The following MECOM variants were observed in gnomAD, a reference collection of about 807,000 sequenced individuals.
The protein encoded by MECOM is histone-lysine N-methyltransferase MECOM.
Under a neutral mutation model 116.3 loss-of-function variants are expected in MECOM, and 13 were observed. The observed-to-expected ratio is 0.11, with a 90% confidence interval of 0.07 to 0.18. MECOM has a LOEUF of 0.18. Ranked by LOEUF, MECOM falls within the 10% of genes least tolerant of loss-of-function variation. The pLI, the probability that MECOM is intolerant of heterozygous loss-of-function variation, is 1.00. For synonymous variants in MECOM, 528 were observed against 535.2 expected (o/e 0.99, Z 0.19); for missense variants, 1,299 against 1,509.0 (o/e 0.86, Z 2.31).
chr3:169,503,233 T>C (rs1754762744), intron 1 of MECOM, among the ~76,000 whole-genome samples: 1 of 152,174 alleles, frequency 6.6e-6, no homozygotes, highest in Non-Finnish European at 1.5e-5. Context: ...GCATACCATA[T>C]ATAATCTCAG....
At chr3:169,335,152 C>T (rs781604345) in intron 2 of MECOM, among the ~76,000 whole-genome samples, 1 of 152,102 alleles carries the variant, frequency 6.6e-6, no homozygotes, top group African/African-American at 2.4e-5. Flanking sequence ...CTGCTCACCA[C>T]TGGACTGAAC....
At chr3:169,572,635 T>G (rs575938720) in intron 1 of MECOM, among the ~76,000 whole-genome samples, 1 of 152,166 alleles carries the variant, frequency 6.6e-6, no homozygotes, top group Non-Finnish European at 1.5e-5. Flanking sequence ...ATGTGGCACA[T>G]GTACACCAGG....
chr3:169,546,455 A>T (rs1290089220), intron 1 of MECOM, among the ~76,000 whole-genome samples: 1 of 152,032 alleles, frequency 6.6e-6, no homozygotes, highest in African/African-American at 2.4e-5. Flanking sequence ...ACCTAAATCA[A>T]CTCCCCTCAC....
chr3:169,216,991 C>A (rs1751500637), intron 2 of MECOM, among the ~76,000 whole-genome samples: 1 of 152,098 alleles, frequency 6.6e-6, no homozygotes, highest in Non-Finnish European at 1.5e-5. Flanking sequence ...ACTAGCCACA[C>A]AAATAAACAG....
chr3:169,594,154 C>CCAAA (rs1766795760), intron 1 of MECOM, among the ~76,000 whole-genome samples: 1 of 45,730 alleles, frequency 2.2e-5, no homozygotes, highest in African/African-American at 1.2e-4. Context: ...ACCACCACCA[C>CCAAA]AAAAAAAAAA....
chr3:169,207,911 G>A (rs1750166428), intron 2 of MECOM, among the ~76,000 whole-genome samples: 1 of 152,090 alleles, frequency 6.6e-6, no homozygotes, highest in Non-Finnish European at 1.5e-5. Flanking sequence ...CTGACGATGT[G>A]AATGAAAACA....
At chr3:169,542,067 C>G (rs937941941) in intron 1 of MECOM, among the ~76,000 whole-genome samples, 1 of 152,102 alleles carries the variant, frequency 6.6e-6, no homozygotes, top group Non-Finnish European at 1.5e-5. Flanking sequence ...TAGATGGCCA[C>G]AGAATATAAT....
intron 2 of MECOM, among the ~76,000 whole-genome samples, chr3:169,231,774 GA>G (rs11456636): frequency 0.015 from 2,015 of 136,960 alleles, 29 homozygotes; most frequent in African/African-American, 0.038. Context: ...CCCATGACCA[GA>G]AAAAAAAAAA....
intron 1 of MECOM, among the ~76,000 whole-genome samples, chr3:169,529,103 TA>T (rs78992976): frequency 6.6e-6 from 1 of 151,690 alleles, no homozygotes; most frequent in African/African-American, 2.4e-5. Flanking sequence ...ATAAGGCCTT[TA>T]AAAAAAATCA....
chr3:169,534,569 T>G (rs1759094292), intron 1 of MECOM, among the ~76,000 whole-genome samples: 1 of 152,200 alleles, frequency 6.6e-6, no homozygotes, highest in Non-Finnish European at 1.5e-5. Flanking sequence ...CCTACTGACT[T>G]TTATTTGACA....
chr3:169,436,321 G>A (rs371171266), intron 1 of MECOM, among the ~76,000 whole-genome samples: 14 of 131,806 alleles, frequency 1.1e-4, no homozygotes, highest in African/African-American at 2.8e-4. Flanking sequence ...CGCAATCTCC[G>A]CTCACCACAA....
At chr3:169,287,510 C>A (rs1317202585) in intron 2 of MECOM, among the ~76,000 whole-genome samples, 1 of 151,896 alleles carries the variant, frequency 6.6e-6, no homozygotes, top group Admixed American at 6.6e-5. Flanking sequence ...AAATAAAAAA[C>A]AAAGCATAAT....
chr3:169,129,192 G>A (rs1050533380), intron 4 of MECOM, among the ~76,000 whole-genome samples: 3 of 151,866 alleles, frequency 2.0e-5, no homozygotes, highest in Non-Finnish European at 2.9e-5. Context: ...GGCACATTTC[G>A]GGAAATGGGA....
At chr3:169,587,470 CACAT>C (rs1221999262) in intron 1 of MECOM, among the ~76,000 whole-genome samples, 5 of 125,010 alleles carry the variant, frequency 4.0e-5, no homozygotes, top group South Asian at 2.7e-4. Context: ...CACACACACA[CACAT>C]AAACAATCAC....
chr3:169,459,218 A>T (rs917928878), intron 1 of MECOM, among the ~76,000 whole-genome samples: 5 of 152,236 alleles, frequency 3.3e-5, no homozygotes, highest in Non-Finnish European at 5.9e-5. Context: ...AACCTCAAAC[A>T]TAATTATTTT....
intron 1 of MECOM, among the ~76,000 whole-genome samples, chr3:169,514,326 C>A (rs1482841266): frequency 2.0e-5 from 3 of 151,444 alleles, no homozygotes; most frequent in Non-Finnish European, 4.4e-5. Context: ...AGAGAGACAT[C>A]GTTTTACAAA....
intron 1 of MECOM, among the ~76,000 whole-genome samples, chr3:169,504,134 A>AAAAAAAG (rs1553873560): frequency 6.2e-5 from 9 of 144,110 alleles, no homozygotes; most frequent in Admixed American, 3.6e-4. Flanking sequence ...GCTCTCAAAA[A>AAAAAAAG]AAAAAGAAAA....
At chr3:169,170,403 C>CAAAAA (rs71634426) in intron 2 of MECOM, among the ~76,000 whole-genome samples, 2 of 74,366 alleles carry the variant, frequency 2.7e-5, no homozygotes, top group Admixed American at 1.5e-4. Context: ...AAGACTCTGT[C>CAAAAA]AAAAAAAAAA....
At chr3:169,591,879 C>G (rs1166671475) in intron 1 of MECOM, among the ~76,000 whole-genome samples, 1 of 149,546 alleles carries the variant, frequency 6.7e-6, no homozygotes, top group Non-Finnish European at 1.5e-5. Flanking sequence ...GGAGATGGCC[C>G]ATAACAACAG....
Sources: gnomAD v4.1 joint callset for allele counts (sites outside exome capture counted in the v4.1 genomes callset) on GRCh38, gnomAD v4.1.1 for gene constraint, MANE v1.5 for transcripts, NCBI Gene and HGNC (gene_info 2026-07-23, HGNC 2026-07-21) for gene names.